Variants in TOX observed in about 807,000 individuals in gnomAD.
The protein encoded by TOX is thymocyte selection-associated high mobility group box protein TOX.
In TOX, 11 loss-of-function variants were observed where a neutral mutation model predicts 53.7. That is an observed-to-expected ratio of 0.20 (90% CI 0.13 to 0.34). The LOEUF (loss-of-function observed/expected upper bound fraction) is 0.34. TOX is among the 10% of genes least tolerant of loss of function. TOX has a pLI of 1.00. For synonymous variants in TOX, 225 were observed against 245.3 expected (o/e 0.92, Z 0.77); for missense variants, 570 against 664.6 (o/e 0.86, Z 1.56).
At chr8:59,054,903 AAAGAAAGAAAGAGAAAG>A (rs1327946708) in intron 1 of TOX, among the ~76,000 whole-genome samples, 2 of 132,754 alleles carry the variant, frequency 1.5e-5, no homozygotes, top group East Asian at 6.2e-4. Context: ...AGAAAGGAAA[AAAGAAAGAAAGAGAAAG>A]AAAGAAAGAA....
chr8:58,923,736 C>T (rs1242193904), intron 3 of TOX, among the ~76,000 whole-genome samples: 2 of 152,102 alleles, frequency 1.3e-5, no homozygotes, highest in African/African-American at 4.8e-5. Flanking sequence ...AATTTTTGTA[C>T]TCCTGCTATC....
At chr8:58,940,299 T>C (rs1431277143) in intron 2 of TOX, among the ~76,000 whole-genome samples, 1 of 151,406 alleles carries the variant, frequency 6.6e-6, no homozygotes, top group Non-Finnish European at 1.5e-5. Flanking sequence ...AATTCTGGAA[T>C]AAAAGCCAGC....
At chr8:58,922,038 T>C (rs1192397011) in intron 3 of TOX, among the ~76,000 whole-genome samples, 1 of 152,200 alleles carries the variant, frequency 6.6e-6, no homozygotes, top group Non-Finnish European at 1.5e-5. Context: ...TGTTGGATCA[T>C]AGAATGCCGT....
intron 1 of TOX, among the ~76,000 whole-genome samples, chr8:59,025,071 G>A (rs1475119801): frequency 2.0e-5 from 3 of 152,048 alleles, no homozygotes; most frequent in African/African-American, 4.8e-5. Context: ...GTAGGTAAAC[G>A]GTAGAGTGTA....
chr8:58,898,468 C>T (rs772378945), intron 3 of TOX, among the ~76,000 whole-genome samples: 3 of 144,336 alleles, frequency 2.1e-5, no homozygotes, highest in East Asian at 2.0e-4. Flanking sequence ...ACAAAACATC[C>T]GGTTTAGGGA....
chr8:59,025,699 G>A (rs1814222953), intron 1 of TOX, among the ~76,000 whole-genome samples: 1 of 152,070 alleles, frequency 6.6e-6, no homozygotes, highest in Admixed American at 6.6e-5. Flanking sequence ...CCAACTCAGA[G>A]GTCACCTTCT....
intron 1 of TOX, among the ~76,000 whole-genome samples, chr8:59,017,499 T>C (rs1294543835): frequency 6.6e-6 from 1 of 152,220 alleles, no homozygotes; most frequent in Non-Finnish European, 1.5e-5. Context: ...CTTAAACTAG[T>C]ATTGAATGAC....
At chr8:58,842,256 A>G (rs1810657742) in intron 4 of TOX, among the ~76,000 whole-genome samples, 3 of 152,118 alleles carry the variant, frequency 2.0e-5, no homozygotes, top group African/African-American at 7.2e-5. Flanking sequence ...TGCGTGGGGA[A>G]GACAGACCCT....
chr8:59,112,522 G>A (rs990772900), intron 1 of TOX, among the ~76,000 whole-genome samples: 6 of 152,114 alleles, frequency 3.9e-5, no homozygotes, highest in Non-Finnish European at 7.4e-5. Flanking sequence ...AACACAATTC[G>A]TTATCAATCA....
At chr8:59,046,858 CAAAAAAAAAA>C (rs34869193) in intron 1 of TOX, among the ~76,000 whole-genome samples, 1 of 77,910 alleles carries the variant, frequency 1.3e-5, no homozygotes, top group Non-Finnish European at 2.3e-5. Flanking sequence ...GACTATGTCT[CAAAAAAAAAA>C]AAAAAAAAAA....
In TOX at chr8:59,004,544, T is replaced by C. The variant is rs529902805; in HGVS notation, c.103-44536A>G. 4.6e-5 allele frequency among the ~76,000 whole-genome samples: 7 copies of C among 152,344 alleles called. No homozygotes were observed. The East Asian group carries it at 1.3e-3, about 29-fold the overall frequency. On this transcript the variant is annotated intron_variant, in intron 1 of 8. Transcript: ENST00000361421. ...ATGCATTATAATAATTAGGGATCTA[T>C]ATTCTATGGAAAAAAGGTTTTATTC...
intron 3 of TOX, among the ~76,000 whole-genome samples, chr8:58,897,343 T>A (rs975997807): frequency 6.6e-6 from 1 of 152,220 alleles, no homozygotes; most frequent in Admixed American, 6.5e-5. Context: ...GGATGTAGAA[T>A]TCCTGGATAC....
intron 1 of TOX, among the ~76,000 whole-genome samples, chr8:59,034,630 C>A (rs1814421237): frequency 6.6e-6 from 1 of 152,208 alleles, no homozygotes; most frequent in South Asian, 2.1e-4. Flanking sequence ...GTTCTCTGCA[C>A]CCTCACTCAA....
At chr8:58,984,545 C>A (rs1278019912) in intron 1 of TOX, among the ~76,000 whole-genome samples, 1 of 152,144 alleles carries the variant, frequency 6.6e-6, no homozygotes, top group Non-Finnish European at 1.5e-5. Flanking sequence ...GTAATCCCAG[C>A]ACTTTGGGAG....
At chr8:58,996,681 G>T (rs1181875155) in intron 1 of TOX, among the ~76,000 whole-genome samples, 1 of 152,104 alleles carries the variant, frequency 6.6e-6, no homozygotes, top group Non-Finnish European at 1.5e-5. Flanking sequence ...AGAAAAATAT[G>T]CTATGAAAAA....
chr8:58,955,440 C>A (rs186742580), intron 2 of TOX, among the ~76,000 whole-genome samples: 762 of 152,076 alleles, frequency 5.0e-3, no homozygotes, highest in Non-Finnish European at 8.9e-3. Flanking sequence ...GCAGGGGAAC[C>A]AAACAGAAGG....
chr8:58,940,020 C>T (rs544726834), intron 2 of TOX, among the ~76,000 whole-genome samples: 2 of 151,986 alleles, frequency 1.3e-5, no homozygotes, highest in African/African-American at 4.8e-5. Flanking sequence ...TCACAATTGA[C>T]AAAAGAAAAT....
At chr8:59,060,084 T>C (rs1803954123) in intron 1 of TOX, among the ~76,000 whole-genome samples, 1 of 152,206 alleles carries the variant, frequency 6.6e-6, no homozygotes, top group Non-Finnish European at 1.5e-5. Flanking sequence ...TCTAAAATTG[T>C]GTAACGATTT....
chr8:58,961,282 C>T (rs559338054), intron 1 of TOX, among the ~76,000 whole-genome samples: 139 of 152,250 alleles, frequency 9.1e-4, no homozygotes, highest in Non-Finnish European at 4.9e-4. Flanking sequence ...CATGGAAGCA[C>T]TCACGAGACT....
Sources: allele counts gnomAD v4.1 joint callset (sites outside exome capture counted in the v4.1 genomes callset), GRCh38; gene constraint gnomAD v4.1.1; transcripts MANE v1.5; gene names NCBI Gene and HGNC (gene_info 2026-07-23, HGNC 2026-07-21).